KCNB2: variants seen among roughly 807,000 people sequenced by gnomAD.
The protein encoded by KCNB2 is potassium voltage-gated channel subfamily B member 2, also known as delayed rectifier potassium channel protein.
Under a neutral mutation model 61.5 loss-of-function variants are expected in KCNB2, and 15 were observed. The ratio of observed to expected loss-of-function variants is 0.24; its 90% CI spans 0.16 to 0.38. The LOEUF is 0.38. KCNB2 is among the 10% of genes least tolerant of loss of function. The pLI, the probability that KCNB2 is intolerant of heterozygous loss-of-function variation, is 1.00. For missense variants in KCNB2, 828 were observed against 1,125.2 expected (o/e 0.74, Z 3.78); for synonymous variants, 457 against 446.0 (o/e 1.02, Z -0.31).
chr8:72,872,255 C>T (rs1465470880), intron 2 of KCNB2, among the ~76,000 whole-genome samples: 3 of 152,238 alleles, frequency 2.0e-5, no homozygotes, highest in Non-Finnish European at 2.9e-5. Flanking sequence ...CTCAGCAGTG[C>T]AGCTGTGATT....
intron 2 of KCNB2, among the ~76,000 whole-genome samples, chr8:72,888,093 TTTGTTG>T (rs146706652): frequency 6.6e-6 from 1 of 151,902 alleles, no homozygotes; most frequent in Non-Finnish European, 1.5e-5. Flanking sequence ...TGATTGCCAG[TTTGTTG>T]TTGTTGTTGT....
rs1554577538 is a variant in KCNB2, at chr8:72,584,113, A to AAAC, written c.579+15802_579+15804dup. 1.2e-4 allele frequency among the ~76,000 whole-genome samples: 18 copies of AAAC among 150,462 alleles called. No individual in the cohort carries two copies. In the East Asian group the frequency reaches 3.4e-3, roughly 28 times the overall value. On this transcript the variant is annotated intron_variant, in intron 2 of 2. Transcript: ENST00000523207. ...AAACAAAACAAAACAAAACAAAAAA[A>AAAC]AACAGAAAAAAACCGTTTAGAGGAA...
chr8:72,814,354 A>AT (rs1344805734), intron 2 of KCNB2, among the ~76,000 whole-genome samples: 3 of 152,216 alleles, frequency 2.0e-5, no homozygotes, highest in Non-Finnish European at 4.4e-5. Flanking sequence ...GGGTATATCC[A>AT]TAAAAAGTGA....
At chr8:72,785,272 T>C (rs1808828715) in intron 2 of KCNB2, among the ~76,000 whole-genome samples, 1 of 152,142 alleles carries the variant, frequency 6.6e-6, no homozygotes, top group Non-Finnish European at 1.5e-5. Flanking sequence ...CTTCTGTACA[T>C]TTGTCTTCCT....
intron 2 of KCNB2, among the ~76,000 whole-genome samples, chr8:72,571,942 A>G (rs1377596575): frequency 6.6e-6 from 1 of 152,226 alleles, no homozygotes; most frequent in Non-Finnish European, 1.5e-5. Flanking sequence ...GCCTCTTCCC[A>G]AAGAAACTGC....
chr8:72,934,868 A>G (rs1320835100), intron 2 of KCNB2, among the ~76,000 whole-genome samples: 3 of 151,882 alleles, frequency 2.0e-5, no homozygotes, highest in East Asian at 3.9e-4. Context: ...CCATAAATCT[A>G]GAACACTGGG....
At chr8:72,712,849 A>G (rs1392792391) in intron 2 of KCNB2, among the ~76,000 whole-genome samples, 2 of 152,192 alleles carry the variant, frequency 1.3e-5, no homozygotes, top group Non-Finnish European at 2.9e-5. Context: ...TGCATGAGCC[A>G]AAGCAGGGCG....
In KCNB2 at chr8:72,798,428, T is replaced by A. The variant is rs189301880; in HGVS notation, c.580-137507T>A. ...TTCTTATATCATCCTACCATAGCAC[T>A]CAGCATAATGCCTTGCTCACAGAGT... On this transcript the variant is annotated intron_variant, in intron 2 of 2. Coordinates refer to ENST00000523207, the MANE Select transcript of KCNB2 (RefSeq NM_004770.3). Among the ~76,000 whole-genome samples, 3 of 152,298 alleles carry A rather than the reference T, an allele frequency of 2.0e-5. No homozygotes were observed. In the East Asian group the frequency reaches 5.8e-4, roughly 29 times the overall value.
chr8:72,754,672 A>C (rs1242983861), intron 2 of KCNB2, among the ~76,000 whole-genome samples: 1 of 152,232 alleles, frequency 6.6e-6, no homozygotes, highest in African/African-American at 2.4e-5. Flanking sequence ...AATACTGTTA[A>C]GAAAATAAAA....
intron 2 of KCNB2, among the ~76,000 whole-genome samples, chr8:72,846,792 G>T (rs140472476): frequency 6.6e-6 from 1 of 152,080 alleles, no homozygotes; most frequent in African/African-American, 2.4e-5. Flanking sequence ...AAATAGGAAT[G>T]CTTTTACACT....
intron 2 of KCNB2, among the ~76,000 whole-genome samples, chr8:72,641,665 A>G (rs2128985744): frequency 1.3e-5 from 2 of 152,258 alleles, no homozygotes; most frequent in South Asian, 2.1e-4. Context: ...GAATCTGGGG[A>G]CAGACTGTCT....
intron 2 of KCNB2, among the ~76,000 whole-genome samples, chr8:72,905,336 A>G (rs1424981576): frequency 6.6e-6 from 1 of 152,150 alleles, no homozygotes; most frequent in Non-Finnish European, 1.5e-5. Flanking sequence ...CAGTTCCCAG[A>G]ATTCCACAGC....
At chr8:72,638,204 G>A (rs1805997943) in intron 2 of KCNB2, among the ~76,000 whole-genome samples, 1 of 152,084 alleles carries the variant, frequency 6.6e-6, no homozygotes, top group South Asian at 2.1e-4. Flanking sequence ...AAGATCCTAT[G>A]ACCTTTGAAA....
At chr8:72,835,790 A>G (rs943054341) in intron 2 of KCNB2, among the ~76,000 whole-genome samples, 2 of 152,144 alleles carry the variant, frequency 1.3e-5, no homozygotes, top group African/African-American at 2.4e-5. Context: ...ACTTATAGAA[A>G]ATATTCATTC....
chr8:72,894,920 G>A (rs1256489149), intron 2 of KCNB2, among the ~76,000 whole-genome samples: 1 of 152,180 alleles, frequency 6.6e-6, no homozygotes, highest in African/African-American at 2.4e-5. Context: ...GTATTGTTAA[G>A]TAATCAGGTG....
intron 2 of KCNB2, among the ~76,000 whole-genome samples, chr8:72,622,948 C>T (rs1036089156): frequency 1.3e-5 from 2 of 152,158 alleles, no homozygotes; most frequent in African/African-American, 4.8e-5. Context: ...TTATTCAAGA[C>T]ACCATCTACT....
chr8:72,596,999 TGC>T (rs5892355), intron 2 of KCNB2, among the ~76,000 whole-genome samples: 275 of 127,292 alleles, frequency 2.2e-3, no homozygotes, highest in African/African-American at 7.2e-3. Flanking sequence ...CTTGCTTGCT[TGC>T]TTTTTTTTTT....
chr8:72,702,973 C>T (rs1807160002), intron 2 of KCNB2, among the ~76,000 whole-genome samples: 1 of 152,196 alleles, frequency 6.6e-6, no homozygotes, highest in Non-Finnish European at 1.5e-5. Context: ...CACCTGCAGA[C>T]TGACAAGGAG....
chr8:72,687,055 A>G (rs1455880052), intron 2 of KCNB2, among the ~76,000 whole-genome samples: 1 of 152,162 alleles, frequency 6.6e-6, no homozygotes, highest in African/African-American at 2.4e-5. Context: ...TGAGAATGCT[A>G]CTGAGAATAA....
Sources: gnomAD v4.1 joint callset for allele counts (sites outside exome capture counted in the v4.1 genomes callset) on GRCh38, gnomAD v4.1.1 for gene constraint, MANE v1.5 for transcripts, NCBI Gene and HGNC (gene_info 2026-07-23, HGNC 2026-07-21) for gene names.